The following HDAC4 variants were observed in gnomAD, a reference collection of about 807,000 sequenced individuals.
HDAC4 encodes histone deacetylase 4.
Under a neutral mutation model 135.1 loss-of-function variants are expected in HDAC4, and 16 were observed. That is an observed-to-expected ratio of 0.12 (90% CI 0.08 to 0.18). The LOEUF (loss-of-function observed/expected upper bound fraction) is 0.18. HDAC4 is among the 10% of genes least tolerant of loss of function. The pLI, the probability that HDAC4 is intolerant of heterozygous loss-of-function variation, is 1.00. For missense variants in HDAC4, 1,143 were observed against 1,511.8 expected (o/e 0.76, Z 4.05); for synonymous variants, 685 against 653.4 (o/e 1.05, Z -0.74).
At chr2:239,204,280 C>T (rs377487914) in intron 3 of HDAC4, among the ~76,000 whole-genome samples, 31 of 152,328 alleles carry the variant, frequency 2.0e-4, no homozygotes, top group Admixed American at 9.2e-4. Flanking sequence ...ATGCTGACCA[C>T]GATGCAGCGG....
At chr2:239,177,764 C>T (rs899110436) in intron 4 of HDAC4, among the ~76,000 whole-genome samples, 1 of 152,164 alleles carries the variant, frequency 6.6e-6, no homozygotes, top group Non-Finnish European at 1.5e-5. Flanking sequence ...GACAGGCAGC[C>T]CACTAAAACG....
chr2:239,321,204 G>A (rs999233142), intron 2 of HDAC4, among the ~76,000 whole-genome samples: 6 of 152,112 alleles, frequency 3.9e-5, no homozygotes, highest in Admixed American at 2.0e-4. Flanking sequence ...AGTGGCTCAC[G>A]CCTGTAATCC....
intron 3 of HDAC4, among the ~76,000 whole-genome samples, chr2:239,194,376 G>T (rs1470701198): frequency 6.6e-6 from 1 of 152,156 alleles, no homozygotes; most frequent in Non-Finnish European, 1.5e-5. Context: ...TTGTCAACTG[G>T]ACTGAGAGAC....
intron 3 of HDAC4, among the ~76,000 whole-genome samples, chr2:239,204,240 G>A (rs1334716640): frequency 6.6e-6 from 1 of 152,234 alleles, no homozygotes; most frequent in Non-Finnish European, 1.5e-5. Context: ...CTGTGCAGGT[G>A]TAGTGACTGC....
chr2:239,073,722 G>A (rs890185598), intron 22 of HDAC4, among the ~76,000 whole-genome samples: 9 of 152,256 alleles, frequency 5.9e-5, no homozygotes, highest in African/African-American at 1.4e-4. Flanking sequence ...AGGAAACACC[G>A]CACTGGCCTC....
At chr2:239,150,613 A>G (rs1228681522) in intron 7 of HDAC4, among the ~76,000 whole-genome samples, 5 of 141,988 alleles carry the variant, frequency 3.5e-5, no homozygotes, top group African/African-American at 1.0e-4. Context: ...ACCGCGCTGC[A>G]CCTCCTGAAG....
Position 239,384,552 on chromosome 2 carries a change from G to C in HDAC4, c.-220+16426C>G, listed in dbSNP as rs60335189. 6.7e-3 allele frequency among the ~76,000 whole-genome samples: 1,023 copies of C among 151,948 alleles called. 12 individuals carry two copies. Among genetic ancestry groups the C allele is most frequent in the African/African-American group, 0.023 (960 of 41,400 alleles). On this transcript the variant is annotated intron_variant, in intron 1 of 26. Coordinates refer to ENST00000543185, the MANE Select transcript of HDAC4 (RefSeq NM_001378414.1). ...AGATGGAGAGAGCCCAAGAGGTCAA[G>C]GCGGCAGTGAGCCATGATTGTCCCA...
At position 239,084,138 on chromosome 2, in the gene HDAC4, A is replaced by G. The variant is rs190130626; in HGVS notation, c.2532+17T>C. ...AGGAGCAACCTGAGCTGCGCTGGCC[A>G]AGGCGGCTCTGCTTACCCAGTCCAC... On this transcript the variant is annotated intron_variant, in intron 20 of 26. Transcript: ENST00000543185. 1,044 of 1,601,600 alleles carry G rather than the reference A, an allele frequency of 6.5e-4. 8 individuals carry two copies. The African/African-American group carries it at 0.013, about 20-fold the overall frequency.
chr2:239,051,085 A>C lies in HDAC4; in HGVS notation c.*2012T>G, dbSNP rs1458114126. 8 of 152,700 alleles carry C rather than the reference A, an allele frequency of 5.2e-5. No individual in the cohort carries two copies. 9.5% of individuals were successfully genotyped at this position (152,700 alleles called of 1,614,324 possible). On this transcript the variant is annotated 3_prime_UTR_variant, in exon 27 of 27. Coordinates refer to ENST00000543185, the MANE Select transcript of HDAC4 (RefSeq NM_001378414.1). The stretch of plus-strand genomic sequence containing the variant: ...ACGATGTGGTCAGAGAAGTTTAAAC[A>C]TGAGTTTCATTAATGCTGACTGCCC...
chr2:239,085,695 G>A (rs906578546), intron 19 of HDAC4: 1 of 152,194 alleles, frequency 6.6e-6, no homozygotes, highest in Non-Finnish European at 1.5e-5. Flanking sequence ...CCTCCCTGGC[G>A]GTTACAATCT....
intron 2 of HDAC4, among the ~76,000 whole-genome samples, chr2:239,333,260 G>A (rs10185139): frequency 0.037 from 5,576 of 152,016 alleles, 354 homozygotes; most frequent in African/African-American, 0.13. Flanking sequence ...TACATTAAGT[G>A]GTTGGTAAAA....
At chr2:239,264,196 C>A (rs1253718258) in intron 2 of HDAC4, among the ~76,000 whole-genome samples, 3 of 152,194 alleles carry the variant, frequency 2.0e-5, no homozygotes, top group African/African-American at 7.2e-5. Flanking sequence ...TCCTGCCGCT[C>A]GGGGACTCCC....
chr2:239,184,979 G>T (rs2044442750), intron 4 of HDAC4, among the ~76,000 whole-genome samples: 1 of 147,338 alleles, frequency 6.8e-6, no homozygotes, highest in Admixed American at 6.7e-5. Context: ...GGGTCCCTTG[G>T]TGTCTATCAT....
chr2:239,074,114 C>T (rs1046798270), intron 22 of HDAC4, among the ~76,000 whole-genome samples: 1 of 152,182 alleles, frequency 6.6e-6, no homozygotes, highest in Non-Finnish European at 1.5e-5. Context: ...CTGAGGGGGC[C>T]GCCCTCTGCT....
intron 1 of HDAC4, among the ~76,000 whole-genome samples, chr2:239,370,051 G>A (rs2126001429): frequency 6.6e-6 from 1 of 152,360 alleles, no homozygotes; most frequent in East Asian, 1.9e-4. Flanking sequence ...GCAGAGAAAA[G>A]CACGCCCAGA....
rs939542371 is a variant in HDAC4 at position 239,251,513 on chromosome 2, C to G, written c.23-14849G>C. ...GGGAGGCTGAGGCACGAGGATCTCT[C>G]GAGCAAGATCACACCACTGCACTAC... is the stretch of plus-strand genomic sequence containing the variant. On this transcript the variant is annotated intron_variant, in intron 2 of 26. Coordinates refer to ENST00000543185, the MANE Select transcript of HDAC4 (RefSeq NM_001378414.1). Among the ~76,000 whole-genome samples the G allele has an allele frequency of 3.3e-5, 5 of 152,056 alleles. 1 individual carries two copies. The South Asian group carries it at 1.0e-3, about 32-fold the overall frequency.
At chr2:239,120,396 C>CACACACAGACGT (rs1343750021) in intron 12 of HDAC4, among the ~76,000 whole-genome samples, 1 of 137,314 alleles carries the variant, frequency 7.3e-6, no homozygotes, top group Non-Finnish European at 1.6e-5. Context: ...CACACAGACG[C>CACACACAGACGT]ACACAGACAC....
intron 3 of HDAC4, among the ~76,000 whole-genome samples, chr2:239,236,203 G>A (rs2047876945): frequency 6.6e-6 from 1 of 152,138 alleles, no homozygotes; most frequent in Admixed American, 6.5e-5. Context: ...AAAAGGCGCG[G>A]TCTGTCCACG....
intron 18 of HDAC4, among the ~76,000 whole-genome samples, chr2:239,088,454 C>T (rs60514936): frequency 0.23 from 34,533 of 152,186 alleles, 4,052 homozygotes; most frequent in Admixed American, 0.31. Flanking sequence ...TGCGTTTCTG[C>T]ACTCAGTGCT....
Sources: allele counts gnomAD v4.1 joint callset (sites outside exome capture counted in the v4.1 genomes callset), GRCh38; gene constraint gnomAD v4.1.1; transcripts MANE v1.5; gene names NCBI Gene and HGNC (gene_info 2026-07-23, HGNC 2026-07-21).